The following GRIK2 variants were observed in gnomAD, a reference collection of about 807,000 sequenced individuals.
The protein encoded by GRIK2 is glutamate receptor ionotropic, kainate 2.
Under a neutral mutation model 100.3 loss-of-function variants are expected in GRIK2, and 32 were observed. The observed-to-expected ratio is 0.32, with a 90% CI of 0.24 to 0.43. The LOEUF (loss-of-function observed/expected upper bound fraction) is 0.43, where lower values mean the gene tolerates loss of function less well. Among genes scored for constraint, GRIK2 ranks in the 20% least tolerant of loss-of-function variants. The pLI is 1.00. For missense variants in GRIK2, 843 were observed against 1,114.9 expected, an observed-to-expected ratio of 0.76 and a Z score of 3.47; for synonymous variants, 417 against 389.4, an observed-to-expected ratio of 1.07 and a Z score of -0.83.
chr6:101,550,719 A>G (rs1474794066), intron 2 of GRIK2, among the ~76,000 whole-genome samples: 4 of 152,214 alleles, frequency 2.6e-5, no homozygotes, highest in Non-Finnish European at 1.5e-5. Flanking sequence ...AACAGTGAAT[A>G]GCATGTGCCT....
At chr6:101,667,078 C>T (rs543717255) in intron 4 of GRIK2, among the ~76,000 whole-genome samples, 103 of 152,260 alleles carry the variant, frequency 6.8e-4, no homozygotes, top group African/African-American at 2.4e-3. Flanking sequence ...ACCTGGGATT[C>T]AGCCTGAATC....
intron 14 of GRIK2, among the ~76,000 whole-genome samples, chr6:101,964,071 A>G (rs1792502799): frequency 6.6e-6 from 1 of 151,572 alleles, no homozygotes; most frequent in South Asian, 2.1e-4. Context: ...TTGAAAAAAA[A>G]TACATATAAT....
At chr6:101,432,182 T>C (rs1769445944) in intron 2 of GRIK2, among the ~76,000 whole-genome samples, 1 of 152,170 alleles carries the variant, frequency 6.6e-6, no homozygotes, top group African/African-American at 2.4e-5. Flanking sequence ...GCTGCCTGCC[T>C]ATAATTTAAT....
intron 7 of GRIK2, among the ~76,000 whole-genome samples, chr6:101,786,047 A>G (rs753446589): frequency 6.6e-6 from 1 of 151,998 alleles, no homozygotes; most frequent in Non-Finnish European, 1.5e-5. Flanking sequence ...AGTTAAATTT[A>G]TTCCTAAGGT....
chr6:101,428,094 A>G (rs1047428487), intron 2 of GRIK2, among the ~76,000 whole-genome samples: 2 of 152,180 alleles, frequency 1.3e-5, no homozygotes, highest in African/African-American at 4.8e-5. Context: ...ACAAATCCAC[A>G]TTTTATCACC....
chr6:101,719,459 AAC>A (rs1216789131), intron 7 of GRIK2, among the ~76,000 whole-genome samples: 2 of 151,950 alleles, frequency 1.3e-5, no homozygotes, highest in Non-Finnish European at 2.9e-5. Flanking sequence ...CCAAGGGACT[AAC>A]ACCCAATGGG....
intron 2 of GRIK2, among the ~76,000 whole-genome samples, chr6:101,563,141 TGC>T (rs1222683668): frequency 1.3e-5 from 2 of 152,198 alleles, no homozygotes; most frequent in Non-Finnish European, 2.9e-5. Context: ...CCTGCTAATA[TGC>T]GACACATGTT....
At chr6:101,896,551 A>G (rs1265824648) in intron 12 of GRIK2, among the ~76,000 whole-genome samples, 7 of 151,770 alleles carry the variant, frequency 4.6e-5, no homozygotes, top group Non-Finnish European at 4.4e-5. Context: ...TCACATAAAT[A>G]TAATTTATTG....
At chr6:101,788,963 G>T (rs1779629556) in intron 7 of GRIK2, among the ~76,000 whole-genome samples, 1 of 151,936 alleles carries the variant, frequency 6.6e-6, no homozygotes, top group South Asian at 2.1e-4. Context: ...GATGGCCAGT[G>T]ATGATGAGCT....
chr6:101,412,472 T>C (rs1775929787), intron 2 of GRIK2, among the ~76,000 whole-genome samples: 1 of 152,040 alleles, frequency 6.6e-6, no homozygotes, highest in Admixed American at 6.6e-5. Context: ...ATAGGTTGGA[T>C]AGAGATTCCA....
In GRIK2 at chr6:101,764,356, TG is replaced by T. The variant is rs1317691109; in HGVS notation, c.952-35288del. On this transcript the variant is annotated intron_variant, in intron 7 of 16. Coordinates refer to ENST00000369134, the MANE Select transcript of GRIK2 (RefSeq NM_021956.5). ...CTTCCTGAAACCTCTTGATTACTGA[TG>T]GGGATACAGCAGTCAAATGAAGTCT... is the stretch of plus-strand genomic sequence containing the variant. Among the ~76,000 whole-genome samples, 4 of 152,062 alleles carry T rather than the reference TG, an allele frequency of 2.6e-5. No homozygotes were observed. The South Asian group carries it at 8.3e-4, about 32-fold the overall frequency.
intron 2 of GRIK2, among the ~76,000 whole-genome samples, chr6:101,520,917 G>C (rs1397542189): frequency 6.6e-6 from 1 of 151,902 alleles, no homozygotes; most frequent in Non-Finnish European, 1.5e-5. Flanking sequence ...TTTCAAAATT[G>C]CTAATTTATA....
intron 12 of GRIK2, among the ~76,000 whole-genome samples, chr6:101,915,669 G>T (rs1218123051): frequency 1.3e-5 from 2 of 151,334 alleles, no homozygotes; most frequent in Non-Finnish European, 3.0e-5. Flanking sequence ...GTTTCATATG[G>T]ATATTATAAA....
intron 10 of GRIK2, among the ~76,000 whole-genome samples, chr6:101,832,949 C>T (rs1488327753): frequency 6.6e-6 from 1 of 152,048 alleles, no homozygotes; most frequent in Non-Finnish European, 1.5e-5. Context: ...AACACAAATA[C>T]AATTTTAAAA....
chr6:101,934,178 C>T (rs556182268), intron 14 of GRIK2, among the ~76,000 whole-genome samples: 5 of 151,878 alleles, frequency 3.3e-5, no homozygotes, highest in South Asian at 2.1e-4. Flanking sequence ...TTAATTATAA[C>T]GGCTATAACC....
At chr6:101,556,563 G>T (rs1180398474) in intron 2 of GRIK2, among the ~76,000 whole-genome samples, 1 of 151,588 alleles carries the variant, frequency 6.6e-6, no homozygotes, top group Non-Finnish European at 1.5e-5. Flanking sequence ...CATGCCAAAG[G>T]AAAATTATTG....
At chr6:102,047,923 A>G (rs572476393) in intron 15 of GRIK2, among the ~76,000 whole-genome samples, 43 of 152,002 alleles carry the variant, frequency 2.8e-4, no homozygotes, top group African/African-American at 1.0e-3. Context: ...AAAATAAAAT[A>G]AAGCTAGAGG....
At chr6:101,871,908 A>G (rs1387256191) in intron 11 of GRIK2, among the ~76,000 whole-genome samples, 1 of 152,048 alleles carries the variant, frequency 6.6e-6, no homozygotes, top group East Asian at 1.9e-4. Flanking sequence ...GGATTTGGTG[A>G]GTCAAATGAT....
rs984840255 is a variant in GRIK2 at position 101,621,984 on chromosome 6, G to A, written c.151G>A (p.Gly51Arg). ...IFEYVESGPM[G>R]AEELAFRFAV... ...TGAATATGTGGAATCTGGCCCAATG[G>A]GAGCTGAGGAACTTGCATTCAGATT... The change falls in exon 3 of 17, where the codon GGA (glycine) becomes AGA (arginine). Residue 51 changes from glycine (G) to arginine (R), a missense_variant. By Grantham distance (125) the Gly-to-Arg change is moderately radical. Around this residue, in one of 3 missense-constraint regions of GRIK2, gnomAD observed 519 missense variants for 643.8 expected, o/e 0.81. Transcript: ENST00000369134. The A allele has an allele frequency of 1.2e-6, 2 of 1,610,018 alleles. No homozygotes were observed. The highest frequency in any genetic ancestry group is 1.3e-5 in the African/African-American group (1 of 74,790).
Sources: allele counts gnomAD v4.1 joint callset (sites outside exome capture counted in the v4.1 genomes callset), GRCh38; gene constraint gnomAD v4.1.1; regional missense constraint gnomAD v4.1.1; transcripts MANE v1.5; gene names NCBI Gene and HGNC (gene_info 2026-07-23, HGNC 2026-07-21).